Variants in DERA observed in about 807,000 individuals in gnomAD.
DERA encodes 2-deoxy-D-ribose 5-phosphate aldolase.
Under a neutral mutation model 41.1 loss-of-function variants are expected in DERA, and 15 were observed. That is an observed-to-expected ratio of 0.37 (90% CI 0.24 to 0.56). DERA has a LOEUF of 0.56. DERA is among the 20% of genes least tolerant of loss of function. The pLI is 0.81. For synonymous variants in DERA, 139 were observed against 137.4 expected, an observed-to-expected ratio of 1.01 and a Z score of -0.08; for missense variants, 396 against 403.4, an observed-to-expected ratio of 0.98 and a Z score of 0.16.
In DERA at chr12:15,941,661, C is replaced by T. The variant is rs111979881; in HGVS notation, c.32-15275C>T. Among the ~76,000 whole-genome samples, 2,527 of 152,262 alleles carry T rather than the reference C, an allele frequency of 0.017. 80 individuals are homozygous for T. The highest frequency in any genetic ancestry group is 0.059 in the African/African-American group (2,439 of 41,550). On this transcript the variant is annotated intron_variant, in intron 1 of 8. Coordinates refer to ENST00000428559, the MANE Select transcript of DERA (RefSeq NM_015954.4). This position sits in a 1 kb window ranked among gnomAD's most constrained non-coding sequence, Gnocchi z 4.5. ...CATTCCTGAGTTACTTCACTTAGAACTGTGGCCTCCAGCTCCACCCAAGTT... is the reference window on the plus strand; with the variant it reads ...CATTCCTGAGTTACTTCACTTAGAATTGTGGCCTCCAGCTCCACCCAAGTT...
intron 6 of DERA, among the ~76,000 whole-genome samples, chr12:15,987,568 C>G (rs1948773365): frequency 1.3e-5 from 2 of 152,022 alleles, no homozygotes; most frequent in East Asian, 1.9e-4. Flanking sequence ...ATCTTCTACC[C>G]CATTCTATTG....
rs764860491 is a variant in DERA, at chr12:15,983,153, G to C, written c.637+717G>C. ...CTGTTCCCCTGTCTTCCTGACTTTT[G>C]TTCCCCTCCAATCTGTTCTCCACAC... is the stretch of plus-strand genomic sequence containing the variant. On this transcript the variant is annotated intron_variant, in intron 6 of 8. Coordinates refer to ENST00000428559, the MANE Select transcript of DERA (RefSeq NM_015954.4). This position sits in a 1 kb window ranked among gnomAD's most constrained non-coding sequence, Gnocchi z 6.2. Among the ~76,000 whole-genome samples the C allele has an allele frequency of 2.0e-5, 3 of 151,872 alleles. No homozygotes were observed. The highest frequency in any genetic ancestry group is 2.9e-5 in the Non-Finnish European group (2 of 67,956).
intron 6 of DERA, among the ~76,000 whole-genome samples, chr12:16,029,681 C>T (rs898448564): frequency 6.6e-6 from 1 of 152,038 alleles, no homozygotes; most frequent in African/African-American, 2.4e-5. Flanking sequence ...AGCACCTGCC[C>T]CTAAACGTCC....
chr12:15,932,029 G>A (rs1214238494), intron 1 of DERA, among the ~76,000 whole-genome samples: 2 of 152,138 alleles, frequency 1.3e-5, no homozygotes, highest in African/African-American at 4.8e-5. Context: ...AGAACTGTAA[G>A]CCAAATAAAC....
chr12:15,976,500 C>T lies in DERA; in HGVS notation c.509-5808C>T, dbSNP rs1295609476. On this transcript the variant is annotated intron_variant, in intron 5 of 8. Transcript: ENST00000428559. This position sits in a 1 kb window ranked among gnomAD's most constrained non-coding sequence, Gnocchi z 4.1. ...GACATGGGGGCTAGGTTTCTCTCCA[C>T]CTTCTTGGCAGTGTGTGGCTGAGAA... 6.6e-6 allele frequency among the ~76,000 whole-genome samples: 1 copy of T among 152,154 alleles called. No individual in the cohort carries two copies. The highest frequency in any genetic ancestry group is 1.5e-5 in the Non-Finnish European group (1 of 68,036).
chr12:15,987,194 AAC>A, intron 6 of DERA, among the ~76,000 whole-genome samples: 1 of 150,568 alleles, frequency 6.6e-6, no homozygotes, highest in African/African-American at 2.4e-5. Context: ...GATGTTTTCT[AAC>A]AGTTTAGGAC....
chr12:15,997,254 G>A (rs960084350), intron 6 of DERA, among the ~76,000 whole-genome samples: 3 of 152,152 alleles, frequency 2.0e-5, no homozygotes, highest in African/African-American at 7.2e-5. Flanking sequence ...ATAAAATGGA[G>A]CAGGCAATTC....
At chr12:15,944,839 C>A (rs566569097) in intron 1 of DERA, among the ~76,000 whole-genome samples, 2 of 152,134 alleles carry the variant, frequency 1.3e-5, no homozygotes, top group Non-Finnish European at 1.5e-5. Context: ...CCTAGGTTTT[C>A]TTCTAGGGTT....
rs1233035230 is a variant in DERA at position 15,957,474 on chromosome 12, A to G, written c.129+441A>G. 1.3e-5 allele frequency among the ~76,000 whole-genome samples: 2 copies of G among 152,158 alleles called. No individual in the cohort carries two copies. The highest frequency in any genetic ancestry group is 2.9e-5 in the Non-Finnish European group (2 of 68,024). On this transcript the variant is annotated intron_variant, in intron 2 of 8. Transcript: ENST00000428559. This position sits in a 1 kb window ranked among gnomAD's most constrained non-coding sequence, Gnocchi z 4.8. ...ACCTTACTATTACTTTCTATAAATC[A>G]TTTTTCAAAATTCCAAAAATGATGT...
chr12:16,022,126 G>A (rs941212541), intron 6 of DERA, among the ~76,000 whole-genome samples: 1 of 152,208 alleles, frequency 6.6e-6, no homozygotes, highest in African/African-American at 2.4e-5. Context: ...GGCAGGGCCT[G>A]GTGGAAGGTG....
At chr12:16,028,825 C>G (rs1251901791) in intron 6 of DERA, among the ~76,000 whole-genome samples, 4 of 152,054 alleles carry the variant, frequency 2.6e-5, no homozygotes, top group Non-Finnish European at 5.9e-5. Context: ...CCAGTACTTT[C>G]AAAACTGTCA....
chr12:15,951,997 G>C (rs1245309498), intron 1 of DERA, among the ~76,000 whole-genome samples: 1 of 151,892 alleles, frequency 6.6e-6, no homozygotes, highest in Admixed American at 6.6e-5. Flanking sequence ...CGCCTCCCAG[G>C]TTCAAGCGAT....
intron 6 of DERA, among the ~76,000 whole-genome samples, chr12:15,997,677 C>G (rs1215882244): frequency 1.3e-5 from 2 of 152,004 alleles, no homozygotes; most frequent in African/African-American, 4.8e-5. Flanking sequence ...TAACGTGGCT[C>G]TAAAAAAATC....
rs1014169303 is a variant in DERA at position 15,994,716 on chromosome 12, G to T, written c.637+12280G>T. The stretch of plus-strand genomic sequence containing the variant: ...GATCCACCCACCTCGGCCTCCCAAA[G>T]TGCTGGGATTACAGGCGTGAGCCAC... On this transcript the variant is annotated intron_variant, in intron 6 of 8. Coordinates refer to ENST00000428559, the MANE Select transcript of DERA (RefSeq NM_015954.4). The surrounding 1 kb of genome is among the most constrained non-coding windows in gnomAD (Gnocchi z 4.8). Among the ~76,000 whole-genome samples the T allele has an allele frequency of 3.3e-5, 5 of 152,202 alleles. No individual in the cohort carries two copies. Among genetic ancestry groups the T allele is most frequent in the African/African-American group, 2.4e-5 (1 of 41,442 alleles).
intron 1 of DERA, among the ~76,000 whole-genome samples, chr12:15,923,119 T>C (rs1591999410): frequency 7.1e-6 from 1 of 141,584 alleles, no homozygotes; most frequent in Non-Finnish European, 1.5e-5. Flanking sequence ...GCCTCCCGGG[T>C]TCACGCCATT....
At position 15,996,683 on chromosome 12, in the gene DERA, G is replaced by T. The variant is rs529883165; in HGVS notation, c.637+14247G>T. Among the ~76,000 whole-genome samples the T allele has an allele frequency of 3.1e-3, 479 of 152,108 alleles. No homozygotes were observed. The highest frequency in any genetic ancestry group is 5.2e-3 in the Non-Finnish European group (353 of 67,976). ...GGTGAGATTTTGACATCTCTTTTTT[G>T]GGGGAAACAATTCAAAGCAAAGAGA... On this transcript the variant is annotated intron_variant, in intron 6 of 8. Coordinates refer to ENST00000428559, the MANE Select transcript of DERA (RefSeq NM_015954.4). The surrounding 1 kb of genome is among the most constrained non-coding windows in gnomAD (Gnocchi z 4.7).
chr12:15,917,617 G>A (rs2136122709), intron 1 of DERA, among the ~76,000 whole-genome samples: 1 of 152,314 alleles, frequency 6.6e-6, no homozygotes, highest in East Asian at 1.9e-4. Context: ...GCTAGTAAGA[G>A]TTGAGGTCAA....
rs1948947564 is a variant in DERA at position 16,011,610 on chromosome 12, G to A, written c.638-20932G>A. 1.3e-5 allele frequency among the ~76,000 whole-genome samples: 2 copies of A among 152,118 alleles called. No homozygotes were observed. Among genetic ancestry groups the A allele is most frequent in the South Asian group, 4.1e-4 (2 of 4,830 alleles). On this transcript the variant is annotated intron_variant, in intron 6 of 8. Transcript: ENST00000428559. This position sits in a 1 kb window ranked among gnomAD's most constrained non-coding sequence, Gnocchi z 4.7. Reference sequence around the variant, plus strand: ...AAGAGAATGTGTTAGATACGATTTTGTCATTTTAACATGAGATGACTTTAA... The same window carrying A: ...AAGAGAATGTGTTAGATACGATTTTATCATTTTAACATGAGATGACTTTAA...
Position 15,940,984 on chromosome 12 carries a change from G to T in DERA, c.32-15952G>T, listed in dbSNP as rs1275158313. Among the ~76,000 whole-genome samples the T allele has an allele frequency of 1.3e-5, 2 of 152,200 alleles. No individual in the cohort carries two copies. Among genetic ancestry groups the T allele is most frequent in the Non-Finnish European group, 2.9e-5 (2 of 68,038 alleles). On this transcript the variant is annotated intron_variant, in intron 1 of 8. Transcript: ENST00000428559. This position sits in a 1 kb window ranked among gnomAD's most constrained non-coding sequence, Gnocchi z 5.1. ...GATAATCAACTTTCCTGAGAAATGG[G>T]AATTGAGAGTAAAATTTTTTATTAA... is the stretch of plus-strand genomic sequence containing the variant.
Sources: allele counts gnomAD v4.1 joint callset (sites outside exome capture counted in the v4.1 genomes callset), GRCh38; gene constraint gnomAD v4.1.1; non-coding constraint Gnocchi (gnomAD v3.1); transcripts MANE v1.5; gene names NCBI Gene and HGNC (gene_info 2026-07-23, HGNC 2026-07-21).